The following TRDN variants were observed in gnomAD, a reference collection of about 807,000 sequenced individuals.
TRDN encodes the protein triadin in skeletal muscle.
In TRDN, 161 loss-of-function variants were observed where a neutral mutation model predicts 149.7. The observed-to-expected ratio is 1.08, with a 90% CI of 0.95 to 1.23. TRDN has a LOEUF of 1.23. Ranked by LOEUF, TRDN falls within the 50% of genes most tolerant of loss-of-function variation. The pLI, the probability that TRDN is intolerant of heterozygous loss-of-function variation, is 0.00. For synonymous variants in TRDN, 294 were observed against 250.5 expected (o/e 1.17, Z -1.64); for missense variants, 896 against 823.5 (o/e 1.09, Z -1.08).
chr6:123,514,498 T>C (rs1038683314), intron 6 of TRDN, among the ~76,000 whole-genome samples: 1 of 152,134 alleles, frequency 6.6e-6, no homozygotes, highest in African/African-American at 2.4e-5. Context: ...TCTAAACATA[T>C]GCACACATGC....
chr6:123,634,459 A>C (rs1786187542), intron 1 of TRDN, among the ~76,000 whole-genome samples: 1 of 151,872 alleles, frequency 6.6e-6, no homozygotes, highest in Admixed American at 6.6e-5. Flanking sequence ...TAAAATAAAT[A>C]AATAAATGGT....
intron 24 of TRDN, among the ~76,000 whole-genome samples, chr6:123,286,021 AT>A (rs1412925059): frequency 9.9e-5 from 15 of 152,178 alleles, no homozygotes; most frequent in South Asian, 4.1e-4. Flanking sequence ...AAATTAAAAA[AT>A]AATAGATGTT....
At chr6:123,530,673 A>G in intron 4 of TRDN, 108 bp from the exon 5 acceptor site, 4 of 618,466 alleles carry the variant, frequency 6.5e-6, no homozygotes, top group Non-Finnish European at 9.3e-6. Flanking sequence ...AAATTATTAT[A>G]CAGTTACTAA....
intron 5 of TRDN, among the ~76,000 whole-genome samples, chr6:123,523,024 A>G (rs1779762609): frequency 6.6e-6 from 1 of 152,102 alleles, no homozygotes; most frequent in Non-Finnish European, 1.5e-5. Flanking sequence ...TCAGTTAGTT[A>G]GATCGACATA....
At chr6:123,287,595 T>C (rs1054255884) in intron 24 of TRDN, among the ~76,000 whole-genome samples, 1 of 152,084 alleles carries the variant, frequency 6.6e-6, no homozygotes, top group Non-Finnish European at 1.5e-5. Context: ...AAGGCTTAAT[T>C]AGAGTCAGAG....
At chr6:123,510,541 T>C (rs1041298427) in intron 7 of TRDN, among the ~76,000 whole-genome samples, 6 of 152,140 alleles carry the variant, frequency 3.9e-5, no homozygotes, top group African/African-American at 1.2e-4. Flanking sequence ...ATATCTAATA[T>C]TAAAGTGATA....
intron 2 of TRDN, among the ~76,000 whole-genome samples, chr6:123,556,057 T>C (rs1781637880): frequency 6.6e-6 from 1 of 152,142 alleles, no homozygotes. Flanking sequence ...TATTGAATAA[T>C]TAGATTTCAG....
rs1784614009 is a variant in TRDN, at chr6:123,608,307, T to C, written c.22+28447A>G. ...TCTAGGGCAGCTATGATAATTTAAT[T>C]TAAAAAATACTTGTCAGTCACTTGC... On this transcript the variant is annotated intron_variant, in intron 1 of 40. Transcript: ENST00000334268. 2.6e-5 allele frequency among the ~76,000 whole-genome samples: 4 copies of C among 152,178 alleles called. No homozygotes were observed. In the South Asian group the frequency reaches 8.3e-4, roughly 32 times the overall value.
At chr6:123,449,071 C>T (rs1418461182) in intron 10 of TRDN, among the ~76,000 whole-genome samples, 1 of 152,114 alleles carries the variant, frequency 6.6e-6, no homozygotes, top group Non-Finnish European at 1.5e-5. Flanking sequence ...ATCTGAACAA[C>T]AGCCTTCAGC....
intron 1 of TRDN, among the ~76,000 whole-genome samples, chr6:123,611,131 T>G (rs1206885586): frequency 6.6e-6 from 1 of 152,216 alleles, no homozygotes; most frequent in Non-Finnish European, 1.5e-5. Context: ...GTAATTTACT[T>G]AGGAACTTCA....
At chr6:123,630,008 G>A (rs9482416) in intron 1 of TRDN, among the ~76,000 whole-genome samples, 25,275 of 151,786 alleles carry the variant, frequency 0.17, 4,384 homozygotes, top group African/African-American at 0.45. Flanking sequence ...CCTGTCATTC[G>A]TATTATCCAG....
At chr6:123,619,340 A>G (rs1375730019) in intron 1 of TRDN, among the ~76,000 whole-genome samples, 4 of 152,134 alleles carry the variant, frequency 2.6e-5, no homozygotes, top group Non-Finnish European at 5.9e-5. Flanking sequence ...CATTATCAAG[A>G]TGACTCATTC....
intron 10 of TRDN, among the ~76,000 whole-genome samples, chr6:123,447,928 G>A (rs572525995): frequency 6.6e-6 from 1 of 152,284 alleles, no homozygotes; most frequent in East Asian, 1.9e-4. Context: ...CCCAACTGTG[G>A]AAGTGGGAAA....
At chr6:123,581,012 C>T (rs1783095365) in intron 1 of TRDN, among the ~76,000 whole-genome samples, 1 of 152,170 alleles carries the variant, frequency 6.6e-6, no homozygotes, top group South Asian at 2.1e-4. Context: ...TCAAGTGATC[C>T]TTTCCCAACA....
intron 38 of TRDN, among the ~76,000 whole-genome samples, chr6:123,249,896 A>G (rs916838956): frequency 6.6e-6 from 1 of 152,168 alleles, no homozygotes; most frequent in African/African-American, 2.4e-5. Flanking sequence ...CACATTGGAA[A>G]ATAATTCAAA....
chr6:123,486,196 G>A (rs940260976), intron 9 of TRDN, among the ~76,000 whole-genome samples: 1 of 151,566 alleles, frequency 6.6e-6, no homozygotes, highest in Non-Finnish European at 1.5e-5. Context: ...TTAGAAAAAT[G>A]TTGTATATCT....
At chr6:123,336,099 C>CA (rs1220254996) in intron 22 of TRDN, among the ~76,000 whole-genome samples, 1 of 151,014 alleles carries the variant, frequency 6.6e-6, no homozygotes, top group Non-Finnish European at 1.5e-5. Context: ...AGTGTATGTC[C>CA]AATGCATCTA....
At chr6:123,306,633 T>C (rs1778621682) in intron 24 of TRDN, among the ~76,000 whole-genome samples, 1 of 152,050 alleles carries the variant, frequency 6.6e-6, no homozygotes, top group Non-Finnish European at 1.5e-5. Flanking sequence ...TAGGACTAAT[T>C]TTGTCCACCT....
chr6:123,472,962 A>C (rs1583102659), intron 9 of TRDN, among the ~76,000 whole-genome samples: 1 of 152,318 alleles, frequency 6.6e-6, no homozygotes, highest in Non-Finnish European at 1.5e-5. Flanking sequence ...ATCATCAAAG[A>C]CCAACAGTAG....
Sources: gnomAD v4.1 joint callset for allele counts (sites outside exome capture counted in the v4.1 genomes callset) on GRCh38, gnomAD v4.1.1 for gene constraint, MANE v1.5 for transcripts, NCBI Gene and HGNC (gene_info 2026-07-23, HGNC 2026-07-21) for gene names.